TET1: variants seen among roughly 807,000 people sequenced by gnomAD.
TET1 encodes tet methylcytosine dioxygenase 1.
Under a neutral mutation model 148.7 loss-of-function variants are expected in TET1, and 13 were observed. The observed-to-expected ratio is 0.09, with a 90% CI of 0.06 to 0.14. The LOEUF (loss-of-function observed/expected upper bound fraction) is 0.14. TET1 is among the 10% of genes least tolerant of loss of function. The pLI, the probability that TET1 is intolerant of heterozygous loss-of-function variation, is 1.00. For synonymous variants in TET1, 907 were observed against 937.2 expected (o/e 0.97, Z 0.59); for missense variants, 2,182 against 2,553.8 (o/e 0.85, Z 3.14).
At chr10:68,566,940 A>G (rs2053614309) in intron 1 of TET1, among the ~76,000 whole-genome samples, 2 of 147,766 alleles carry the variant, frequency 1.4e-5, no homozygotes, top group African/African-American at 2.5e-5. Context: ...ATTTCGTTTT[A>G]TTCTCATGAT....
chr10:68,579,865 C>T (rs2053772071), intron 2 of TET1, among the ~76,000 whole-genome samples: 1 of 152,076 alleles, frequency 6.6e-6, no homozygotes, highest in African/African-American at 2.4e-5. Flanking sequence ...GTCTCCAGGC[C>T]CAAGTGATGC....
chr10:68,693,798 TTA>T lies in TET1; in HGVS notation c.*1986_*1987del, dbSNP rs1362175119. The stretch of plus-strand genomic sequence containing the variant: ...CTATCAGGAATACACCCTTGCGAGA[TTA>T]TGTTTTAGATTTTAGGCCTTAGCTC... On this transcript the variant is annotated 3_prime_UTR_variant, in exon 12 of 12. Coordinates refer to ENST00000373644, the MANE Select transcript of TET1 (RefSeq NM_030625.3). The T allele has an allele frequency of 3.0e-5, 7 of 231,136 alleles. No individual in the cohort carries two copies. The highest frequency in any genetic ancestry group is 1.5e-4 in the African/African-American group (7 of 45,368). 14.3% of individuals were successfully genotyped at this position (231,136 alleles called of 1,614,324 possible).
At position 68,595,941 on chromosome 10, in the gene TET1, T is replaced by TAC. The variant is rs1564958770; in HGVS notation, c.1915-5039_1915-5038insCA. Reference sequence around the variant, plus strand: ...AAACATATATATATATATATATATATATATATATATATATATATATACACA... The same window carrying TAC: ...AAACATATATATATATATATATATATACATATATATATATATATATATACACA... On this transcript the variant is annotated intron_variant, in intron 2 of 11. Coordinates refer to ENST00000373644, the MANE Select transcript of TET1 (RefSeq NM_030625.3). Among the ~76,000 whole-genome samples the TAC allele has an allele frequency of 3.1e-4, 12 of 38,230 alleles. 1 individual carries two copies. The highest frequency in any genetic ancestry group is 1.8e-3 in the East Asian group (2 of 1,124). 25.1% of individuals were successfully genotyped at this position (38,230 alleles called of 152,430 possible).
chr10:68,568,217 C>CTTT (rs566751115), intron 1 of TET1, among the ~76,000 whole-genome samples: 16 of 93,802 alleles, frequency 1.7e-4, no homozygotes, highest in Admixed American at 2.5e-4. Context: ...CGCGCCCAGT[C>CTTT]TTTTTTTTTT....
In TET1 at chr10:68,662,592, T is replaced by C. The variant is rs539372781; in HGVS notation, c.4462-4453T>C. ...ACCACATATATATAATATGTGTATG[T>C]ATAATAGACCATGGCTGGTTTTATC... On this transcript the variant is annotated intron_variant, in intron 6 of 11. Transcript: ENST00000373644. Among the ~76,000 whole-genome samples the C allele has an allele frequency of 6.6e-4, 101 of 152,312 alleles. 1 individual carries two copies. Among genetic ancestry groups the C allele is most frequent in the African/African-American group, 2.3e-3 (97 of 41,564 alleles).
At chr10:68,583,033 C>T (rs1358407974) in intron 2 of TET1, among the ~76,000 whole-genome samples, 2 of 152,088 alleles carry the variant, frequency 1.3e-5, no homozygotes, top group Non-Finnish European at 2.9e-5. Context: ...CAAATCTTAC[C>T]CTGTCATTTC....
chr10:68,596,004 A>C (rs2053982763), intron 2 of TET1, among the ~76,000 whole-genome samples: 1 of 98,806 alleles, frequency 1.0e-5, no homozygotes, highest in African/African-American at 3.9e-5. Flanking sequence ...ACACACACAC[A>C]CACACACACA....
At position 68,691,828 on chromosome 10, in the gene TET1, C is replaced by T; in HGVS notation, c.*14C>T. The T allele has an allele frequency of 1.3e-6, 2 of 1,591,190 alleles. No individual in the cohort carries two copies. The highest frequency in any genetic ancestry group is 1.7e-6 in the Non-Finnish European group (2 of 1,169,964). On this transcript the variant is annotated 3_prime_UTR_variant, in exon 12 of 12. Transcript: ENST00000373644. This position sits in a 1 kb window ranked among gnomAD's most constrained non-coding sequence, Gnocchi z 4.4. ...CATTGGGTCTGAAGGCTTTTCTCCC[C>T]CTCTTAATGCCTTTGCTAGTGCAGT... is the stretch of plus-strand genomic sequence containing the variant.
At chr10:68,575,339 G>T (rs538298756) in intron 2 of TET1, among the ~76,000 whole-genome samples, 185 of 152,084 alleles carry the variant, frequency 1.2e-3, no homozygotes, top group Non-Finnish European at 2.3e-3. Flanking sequence ...AGCCAAGATT[G>T]CGCCATTGCA....
At chr10:68,661,880 CTTTTT>C (rs56047246) in intron 6 of TET1, among the ~76,000 whole-genome samples, 3 of 111,114 alleles carry the variant, frequency 2.7e-5, no homozygotes, top group Non-Finnish European at 3.8e-5. Flanking sequence ...AATTTTTTTT[CTTTTT>C]TTTTTTTTTT....
At chr10:68,615,011 T>G (rs1169487809) in intron 3 of TET1, among the ~76,000 whole-genome samples, 2 of 152,072 alleles carry the variant, frequency 1.3e-5, no homozygotes, top group African/African-American at 4.8e-5. Flanking sequence ...ATCGGCTCAC[T>G]GCATCCTCCG....
At chr10:68,582,098 ATT>A (rs111735904) in intron 2 of TET1, among the ~76,000 whole-genome samples, 359 of 102,522 alleles carry the variant, frequency 3.5e-3, no homozygotes, top group African/African-American at 0.01. Context: ...AGATGACACT[ATT>A]TTTTTTTTTT....
At chr10:68,577,793 G>A (rs893068563) in intron 2 of TET1, among the ~76,000 whole-genome samples, 6 of 152,144 alleles carry the variant, frequency 3.9e-5, no homozygotes, top group Non-Finnish European at 8.8e-5. Flanking sequence ...GGGCGACAGA[G>A]CAAGACACTG....
chr10:68,674,736 GT>G, intron 8 of TET1: 1 of 490,934 alleles, frequency 2.0e-6, no homozygotes, highest in Non-Finnish European at 4.0e-6. Flanking sequence ...TTCTGTGTTG[GT>G]TTTACTAAAA....
At chr10:68,668,305 G>T (rs185828565) in intron 7 of TET1, among the ~76,000 whole-genome samples, 269 of 152,298 alleles carry the variant, frequency 1.8e-3, no homozygotes, top group African/African-American at 6.3e-3. Context: ...GGATCTGGAT[G>T]TTGAGTGGTA....
chr10:68,647,153 T>A (rs1395953730), intron 4 of TET1, 148 bp downstream of exon 4: 2 of 922,926 alleles, frequency 2.2e-6, no homozygotes, highest in African/African-American at 3.4e-5. Context: ...TATAACCATT[T>A]TTCTGTGGGA....
In TET1 at chr10:68,573,423, C is replaced by T. The variant is rs374406450; in HGVS notation, c.1085C>T (p.Thr362Ile). ...AATCAACAGGAAGTTTCTGATACCA[C>T]CTCTTTCCTAGGACAGGCCTTTGGT... ...TANQQEVSDT[T>I]SFLGQAFGAI... The change falls in exon 2 of 12, where the codon ACC (threonine) becomes ATC (isoleucine). Residue 362 changes from threonine to isoleucine, a missense_variant. Thr to Ile is a moderately conservative substitution (Grantham distance 89). This residue lies in a region of TET1 where 665 missense variants were observed against 672.4 expected (regional missense o/e 0.99). Transcript: ENST00000373644. 7.4e-6 allele frequency: 12 copies of T among 1,614,058 alleles called. No homozygotes were observed. The highest frequency in any genetic ancestry group is 1.0e-5 in the Non-Finnish European group (12 of 1,180,044).
chr10:68,649,277 ACACT>A (rs1180741641), intron 4 of TET1, among the ~76,000 whole-genome samples: 3 of 152,184 alleles, frequency 2.0e-5, no homozygotes, highest in African/African-American at 7.2e-5. Flanking sequence ...CTTATAACGA[ACACT>A]CTGGTGCTTA....
intron 2 of TET1, among the ~76,000 whole-genome samples, chr10:68,595,075 C>T (rs1031142199): frequency 2.7e-5 from 4 of 150,820 alleles, no homozygotes. Context: ...ATCGCTTGAG[C>T]CCAGGAGTTC....
Sources: gnomAD v4.1 joint callset for allele counts (sites outside exome capture counted in the v4.1 genomes callset) on GRCh38, gnomAD v4.1.1 for gene constraint, gnomAD v4.1.1 regional missense constraint, Gnocchi (gnomAD v3.1) non-coding constraint, MANE v1.5 for transcripts, NCBI Gene and HGNC (gene_info 2026-07-23, HGNC 2026-07-21) for gene names.